Variants in TRNAU1AP observed in about 807,000 individuals in gnomAD.
The protein encoded by TRNAU1AP is tRNA selenocysteine 1-associated protein 1.
In TRNAU1AP, 33 loss-of-function variants were observed where a neutral mutation model predicts 43.3. That is an observed-to-expected ratio of 0.76 (90% CI 0.58 to 1.02). TRNAU1AP has a LOEUF of 1.02. TRNAU1AP is among the 50% of genes least tolerant of loss of function. TRNAU1AP has a pLI of 0.00. For synonymous variants in TRNAU1AP, 143 were observed against 129.1 expected, an observed-to-expected ratio of 1.11 and a Z score of -0.73; for missense variants, 290 against 362.7, an observed-to-expected ratio of 0.80 and a Z score of 1.63.
In TRNAU1AP at chr1:28,577,943, C is replaced by G. The variant is rs1665837595; in HGVS notation, c.*307C>G. ...TGAGCAGCTTGGGATAATTCACACA[C>G]TAAAGCCTGAGTTCAAGGTTTCTCA... On this transcript the variant is annotated 3_prime_UTR_variant, in exon 9 of 9. Coordinates refer to ENST00000373830, the MANE Select transcript of TRNAU1AP (RefSeq NM_017846.5). 1 of 217,636 alleles carries G rather than the reference C, an allele frequency of 4.6e-6. No individual in the cohort carries two copies. Among genetic ancestry groups the G allele is most frequent in the African/African-American group, 2.3e-5 (1 of 43,068 alleles). 13.5% of individuals were successfully genotyped at this position (217,636 alleles called of 1,614,324 possible). A position where few individuals can be genotyped will look rare whatever the true frequency, so the allele number is the denominator to read the frequency against.
At position 28,576,320 on chromosome 1, in the gene TRNAU1AP, A is replaced by AT. The variant is rs879631148; in HGVS notation, c.728-1164dup. Reference sequence around the variant, plus strand: ...AGACACAGGTCACCATGCCCAGCTAATTTTTTTTTTTTTTTTGAGATGGCA... The same window carrying AT: ...AGACACAGGTCACCATGCCCAGCTAATTTTTTTTTTTTTTTTTGAGATGGCA... On this transcript the variant is annotated intron_variant, in intron 8 of 8. Coordinates refer to ENST00000373830, the MANE Select transcript of TRNAU1AP (RefSeq NM_017846.5). Among the ~76,000 whole-genome samples the AT allele has an allele frequency of 2.7e-3, 374 of 137,856 alleles. 2 individuals are homozygous for AT. Among genetic ancestry groups the AT allele is most frequent in the Middle Eastern group, 3.8e-3 (1 of 262 alleles). The allele number at this position is 137,856 out of a possible 152,430, so 90.4% of individuals were successfully genotyped here.
At chr1:28,572,555 TA>T (rs1390605907) in intron 8 of TRNAU1AP, among the ~76,000 whole-genome samples, 4 of 152,106 alleles carry the variant, frequency 2.6e-5, no homozygotes, top group Admixed American at 1.3e-4. Flanking sequence ...TTATTTATTT[TA>T]TTTTTTTTCT....
intron 8 of TRNAU1AP, among the ~76,000 whole-genome samples, chr1:28,576,606 C>T (rs901851036): frequency 1.3e-5 from 2 of 149,924 alleles, no homozygotes; most frequent in African/African-American, 4.9e-5. Context: ...CGTGAGCCAC[C>T]GCGCCCGGCC....
chr1:28,554,270 C>T (rs1665204696), intron 2 of TRNAU1AP, among the ~76,000 whole-genome samples: 1 of 151,510 alleles, frequency 6.6e-6, no homozygotes, highest in Non-Finnish European at 1.5e-5. Flanking sequence ...TATTTCTACT[C>T]TATGACCTTG....
In TRNAU1AP at chr1:28,553,686, C is replaced by T. The variant is rs1284881033; in HGVS notation, c.74C>T (p.Thr25Ile). The T allele has an allele frequency of 6.2e-7, 1 of 1,614,170 alleles. No homozygotes were observed. The highest frequency in any genetic ancestry group is 1.1e-5 in the South Asian group (1 of 91,082). ...DENFISRAFA[T>I]MGETVMSVKI... ...AACTTCATCTCCAGAGCCTTTGCCACCATGGGGGAGACCGTAATGAGCGTC... is the reference window on the plus strand; with the variant it reads ...AACTTCATCTCCAGAGCCTTTGCCATCATGGGGGAGACCGTAATGAGCGTC... Residue 25 changes from threonine (T) to isoleucine (I), a missense_variant, in exon 2 of 9, where the codon ACC becomes ATC. By Grantham distance (89) the Thr-to-Ile change is moderately conservative. Coordinates refer to ENST00000373830, the MANE Select transcript of TRNAU1AP (RefSeq NM_017846.5).
At chr1:28,557,780 G>A (rs1030825317) in intron 2 of TRNAU1AP, among the ~76,000 whole-genome samples, 2 of 151,722 alleles carry the variant, frequency 1.3e-5, no homozygotes, top group Non-Finnish European at 2.9e-5. Flanking sequence ...TTACAGACAG[G>A]TTTTCACCAT....
chr1:28,561,329 T>A lies in TRNAU1AP; in HGVS notation c.226-17T>A. On this transcript the variant is annotated splice_polypyrimidine_tract_variant and intron_variant, in intron 3 of 8. Transcript: ENST00000373830. ...ACACCTTTCTCTGTTTTAGTTTGTT[T>A]GTTTTTCAACTTCCAGGCGAAACGT... 1 of 1,614,128 alleles carries A rather than the reference T, an allele frequency of 6.2e-7. No homozygotes were observed.
chr1:28,570,018 C>T (rs928831933), intron 6 of TRNAU1AP, among the ~76,000 whole-genome samples: 4 of 147,928 alleles, frequency 2.7e-5, no homozygotes, highest in African/African-American at 7.5e-5. Context: ...ACAAAAAAAA[C>T]GAAAACAAAA....
intron 5 of TRNAU1AP, among the ~76,000 whole-genome samples, chr1:28,566,456 T>C (rs1265582894): frequency 6.7e-6 from 1 of 148,788 alleles, no homozygotes; most frequent in Non-Finnish European, 1.5e-5. Context: ...AGGTCTCCAC[T>C]TTAAAAAAAA....
At chr1:28,553,428 G>T in intron 1 of TRNAU1AP, 1 of 623,544 alleles carries the variant, frequency 1.6e-6, no homozygotes. Flanking sequence ...GACCGGAGGA[G>T]TGGGGTTTCT....
intron 1 of TRNAU1AP, 106 bp downstream of exon 1, chr1:28,553,243 A>G (rs1009930900): frequency 8.1e-6 from 10 of 1,240,574 alleles, no homozygotes; most frequent in Non-Finnish European, 9.8e-6. Context: ...GAAAGGGGAG[A>G]CGTGTGACGG....
At chr1:28,561,106 C>G in intron 3 of TRNAU1AP, 1 of 1,393,266 alleles carries the variant, frequency 7.2e-7, no homozygotes, top group Non-Finnish European at 9.3e-7. Flanking sequence ...TTCTGCTCTT[C>G]CCACAGTTAC....
Position 28,571,904 on chromosome 1 carries a change from A to AG in TRNAU1AP, c.727+7dup. Reference sequence around the variant, plus strand: ...GTTGGAGATGATGCATTGGAAGGTAAGGGTTCATACGTTCCTTACTCTGTC... The same window carrying AG: ...GTTGGAGATGATGCATTGGAAGGTAAGGGGTTCATACGTTCCTTACTCTGTC... On this transcript the variant is annotated splice_donor_region_variant and intron_variant, in intron 8 of 8. Transcript: ENST00000373830. The AG allele has an allele frequency of 6.2e-7, 1 of 1,612,378 alleles. No individual in the cohort carries two copies. The highest frequency in any genetic ancestry group is 8.5e-7 in the Non-Finnish European group (1 of 1,178,560).
At chr1:28,569,831 C>CAA (rs760723401) in intron 6 of TRNAU1AP, among the ~76,000 whole-genome samples, 8 of 106,352 alleles carry the variant, frequency 7.5e-5, no homozygotes, top group African/African-American at 1.4e-4. Flanking sequence ...CTAAAAATAC[C>CAA]AAAAAAAAAA....
At chr1:28,564,880 C>T (rs754632002) in intron 5 of TRNAU1AP, 46 bp downstream of exon 5, 103 of 1,611,750 alleles carry the variant, frequency 6.4e-5, no homozygotes, top group Non-Finnish European at 8.1e-5. Flanking sequence ...TAGTTTCAGC[C>T]TTTCTCTCCT....
intron 4 of TRNAU1AP, among the ~76,000 whole-genome samples, chr1:28,563,206 A>G (rs762502338): frequency 6.6e-5 from 10 of 151,440 alleles, no homozygotes; most frequent in Non-Finnish European, 1.3e-4. Context: ...GTGTATTCTT[A>G]TTATACAAGG....
At chr1:28,572,730 C>A (rs922014757) in intron 8 of TRNAU1AP, among the ~76,000 whole-genome samples, 1 of 151,166 alleles carries the variant, frequency 6.6e-6, no homozygotes, top group African/African-American at 2.4e-5. Context: ...GTCAGGAAAT[C>A]GAGACCATCC....
chr1:28,566,191 T>C (rs1435105945), intron 5 of TRNAU1AP, among the ~76,000 whole-genome samples: 1 of 151,328 alleles, frequency 6.6e-6, no homozygotes, highest in East Asian at 1.9e-4. Context: ...GGTGCGTGCC[T>C]GTAGTCACAG....
At chr1:28,565,769 A>G (rs1453300180) in intron 5 of TRNAU1AP, 1 of 151,500 alleles carries the variant, frequency 6.6e-6, no homozygotes, top group Non-Finnish European at 1.5e-5. Flanking sequence ...CCTGGGTAAC[A>G]GAGCAAGATT....
Sources: gnomAD v4.1 joint callset for allele counts (sites outside exome capture counted in the v4.1 genomes callset) on GRCh38, gnomAD v4.1.1 for gene constraint, MANE v1.5 for transcripts, NCBI Gene and HGNC (gene_info 2026-07-23, HGNC 2026-07-21) for gene names.